The following EMSY variants were observed in gnomAD, a reference collection of about 807,000 sequenced individuals.
EMSY encodes the protein BRCA2-interacting transcriptional repressor EMSY.
EMSY carries 26 observed loss-of-function variants against 134.6 expected under a neutral mutation model. The observed-to-expected ratio is 0.19, with a 90% CI of 0.14 to 0.27. The LOEUF (loss-of-function observed/expected upper bound fraction) is 0.27, where lower values mean the gene tolerates loss of function less well. Ranked by LOEUF, EMSY falls within the 10% of genes least tolerant of loss-of-function variation. The pLI is 1.00. For synonymous variants in EMSY, 579 were observed against 577.8 expected (o/e 1.00, Z -0.03); for missense variants, 1,305 against 1,611.4 (o/e 0.81, Z 3.26).
At chr11:76,487,566 T>A (rs1436875810) in intron 8 of EMSY, among the ~76,000 whole-genome samples, 1 of 152,252 alleles carries the variant, frequency 6.6e-6, no homozygotes, top group Non-Finnish European at 1.5e-5. Flanking sequence ...ATCAGTAGCA[T>A]ACAAGTTCAG....
intron 12 of EMSY, among the ~76,000 whole-genome samples, chr11:76,524,685 G>A (rs1457766142): frequency 3.3e-5 from 5 of 152,158 alleles, no homozygotes; most frequent in South Asian, 2.1e-4. Flanking sequence ...GATAACAACC[G>A]TTTGACACAG....
At chr11:76,545,571 A>T (rs1040472348) in intron 19 of EMSY, among the ~76,000 whole-genome samples, 1 of 152,100 alleles carries the variant, frequency 6.6e-6, no homozygotes, top group African/African-American at 2.4e-5. Flanking sequence ...ATTGCTATAA[A>T]CCTTGGCTGG....
intron 11 of EMSY, among the ~76,000 whole-genome samples, chr11:76,519,499 C>T (rs1056507211): frequency 3.3e-5 from 5 of 152,136 alleles, no homozygotes; most frequent in African/African-American, 1.2e-4. Flanking sequence ...GAACTCACTA[C>T]CTTGATTCTA....
rs34882734 is a variant in EMSY, at chr11:76,502,287, C to CAAAAAAAAAAAAAAAAAAAAAAAAAAAA, written c.1363+5842_1363+5843insAAAAAAAAAAAAAAAAAAAAAAAAAAAA. Among the ~76,000 whole-genome samples the CAAAAAAAAAAAAAAAAAAAAAAAAAAAA allele has an allele frequency of 2.3e-4, 2 of 8,536 alleles. 1 individual carries two copies. The highest frequency in any genetic ancestry group is 1.1e-3 in the African/African-American group (2 of 1,866). The allele number at this position is 8,536 out of a possible 152,430, so 5.6% of individuals were successfully genotyped here. On this transcript the variant is annotated intron_variant, in intron 9 of 20. Transcript: ENST00000334736. Reference sequence around the variant, plus strand: ...AGAGGCTCAAGTAAGAGAAAATGGGCAAAAAAAAAAAAAAAAAAAAAAAAG... The same window carrying CAAAAAAAAAAAAAAAAAAAAAAAAAAAA: ...AGAGGCTCAAGTAAGAGAAAATGGGCAAAAAAAAAAAAAAAAAAAAAAAAAAAAAAAAAAAAAAAAAAAAAAAAAAAAG...
At chr11:76,503,446 G>A (rs1949957793) in intron 9 of EMSY, among the ~76,000 whole-genome samples, 2 of 151,910 alleles carry the variant, frequency 1.3e-5, no homozygotes, top group Admixed American at 1.3e-4. Flanking sequence ...TGAAAGTCCA[G>A]AAATAAAACC....
intron 3 of EMSY, 131 bp from the exon 4 acceptor site, chr11:76,453,183 C>G: frequency 1.5e-6 from 1 of 646,572 alleles, no homozygotes; most frequent in Non-Finnish European, 2.6e-6. Context: ...ATATTAGACT[C>G]CTGTCTATAT....
At chr11:76,496,413 A>G in exon 9 of EMSY, 1 of 1,614,150 alleles carries the variant, frequency 6.2e-7, no homozygotes, top group Non-Finnish European at 8.5e-7. Flanking sequence ...CAACAGCCTC[A>G]GCAGTCTCCT....
At chr11:76,503,653 C>G (rs1237366390) in intron 9 of EMSY, among the ~76,000 whole-genome samples, 1 of 152,110 alleles carries the variant, frequency 6.6e-6, no homozygotes, top group Non-Finnish European at 1.5e-5. Flanking sequence ...AACTATCAAA[C>G]TCTTAGAAAA....
At chr11:76,513,683 A>T in intron 10 of EMSY, 148 bp downstream of exon 11, 1 of 734,472 alleles carries the variant, frequency 1.4e-6, no homozygotes, top group Non-Finnish European at 2.1e-6. Context: ...ACCCCTACTG[A>T]CTGCCCTGAC....
intron 10 of EMSY, among the ~76,000 whole-genome samples, chr11:76,514,111 C>T (rs535544063): frequency 1.6e-3 from 236 of 152,156 alleles, no homozygotes; most frequent in Non-Finnish European, 1.9e-3. Context: ...TAAAATGTGA[C>T]CTTGAGCAGA....
chr11:76,508,488 A>C (rs1172560059), intron 9 of EMSY, among the ~76,000 whole-genome samples: 1 of 152,034 alleles, frequency 6.6e-6, no homozygotes, highest in African/African-American at 2.4e-5. Context: ...CTTTTTAAGG[A>C]CCCTAGCATT....
At chr11:76,511,543 CA>C (rs1950276578) in intron 9 of EMSY, among the ~76,000 whole-genome samples, 1 of 151,772 alleles carries the variant, frequency 6.6e-6, no homozygotes, top group African/African-American at 2.4e-5. Flanking sequence ...GCTAAAAATA[CA>C]AAAAAATTAG....
Position 76,454,742 on chromosome 11 carries a change from T to G in EMSY, c.245+1354T>G. ...TTAGTCTCCTTTTCCTTTTTTCCCC[T>G]TTAAAGAATGAATTTATCCTTATAT... On this transcript the variant is annotated intron_variant, in intron 4 of 20. Coordinates refer to ENST00000334736, the Ensembl canonical transcript of EMSY. The G allele has an allele frequency of 6.9e-7, 1 of 1,455,086 alleles. No homozygotes were observed. Among genetic ancestry groups the G allele is most frequent in the Non-Finnish European group, 9.3e-7 (1 of 1,079,798 alleles). The allele number at this position is 1,455,086 out of a possible 1,614,324, so 90.1% of individuals were successfully genotyped here. A position where few individuals can be genotyped will look rare whatever the true frequency, so the allele number is the denominator to read the frequency against.
In EMSY at chr11:76,542,078, G is replaced by A. The variant is rs1382374898; in HGVS notation, c.2558-138G>A. Reference sequence around the variant, plus strand: ...CACACAGCTCATAGATGGGCAGACTGTGGTCTTCTGCCTCCTAGTTCACAA... The same window carrying A: ...CACACAGCTCATAGATGGGCAGACTATGGTCTTCTGCCTCCTAGTTCACAA... On this transcript the variant is annotated intron_variant, in intron 17 of 20. Coordinates refer to ENST00000334736, the Ensembl canonical transcript of EMSY. 7 of 1,028,766 alleles carry A rather than the reference G, an allele frequency of 6.8e-6. No individual in the cohort carries two copies. The African/African-American group carries it at 7.8e-5, about 11-fold the overall frequency. The allele number at this position is 1,028,766 out of a possible 1,614,324, so 63.7% of individuals were successfully genotyped here. A position where few individuals can be genotyped will look rare whatever the true frequency, so the allele number is the denominator to read the frequency against.
chr11:76,493,002 C>T (rs1043860535), intron 8 of EMSY, among the ~76,000 whole-genome samples: 4 of 152,110 alleles, frequency 2.6e-5, no homozygotes, highest in African/African-American at 7.2e-5. Flanking sequence ...AGGAGCTACC[C>T]GCTGTGGGTC....
intron 1 of EMSY, among the ~76,000 whole-genome samples, chr11:76,445,383 C>T (rs888274011): frequency 2.6e-5 from 4 of 152,168 alleles, no homozygotes; most frequent in African/African-American, 7.2e-5. Context: ...GGCTTACTCT[C>T]TCTCGGTTGT....
exon 21 of EMSY, chr11:76,551,084 A>G (rs1044265): frequency 0.41 from 62,070 of 152,640 alleles, 13,048 homozygotes; most frequent in South Asian, 0.51. Context: ...AGACTTTGAA[A>G]ATAACTTTTA....
intron 10 of EMSY, among the ~76,000 whole-genome samples, chr11:76,515,121 A>C (rs1950403773): frequency 6.7e-6 from 1 of 149,174 alleles, no homozygotes; most frequent in Non-Finnish European, 1.5e-5. Flanking sequence ...ATATAAACTA[A>C]TTCTACTTAT....
chr11:76,549,158 C>T (rs1264705042), intron 20 of EMSY, among the ~76,000 whole-genome samples: 1 of 152,186 alleles, frequency 6.6e-6, no homozygotes, highest in African/African-American at 2.4e-5. Context: ...AACCAAGTTG[C>T]AGATGACAGG....
Sources: gnomAD v4.1 joint callset for allele counts (sites outside exome capture counted in the v4.1 genomes callset) on GRCh38, gnomAD v4.1.1 for gene constraint, MANE v1.5 for transcripts, NCBI Gene and HGNC (gene_info 2026-07-23, HGNC 2026-07-21) for gene names.